Variants in CCR3 observed in about 807,000 individuals in gnomAD.
CCR3 encodes C-C chemokine receptor type 3.
For missense variants in CCR3, 419 were observed against 437.5 expected (o/e 0.96, Z 0.38); for synonymous variants, 203 against 179.2 (o/e 1.13, Z -1.06).
intron 2 of CCR3, among the ~76,000 whole-genome samples, chr3:46,224,984 TCAA>T (rs1699878061): frequency 6.6e-6 from 1 of 152,150 alleles, no homozygotes; most frequent in African/African-American, 2.4e-5. Context: ...AAAGATGTGT[TCAA>T]GAATGTTGTT....
intron 1 of CCR3, among the ~76,000 whole-genome samples, chr3:46,255,295 G>A (rs1331004885): frequency 2.6e-5 from 4 of 152,036 alleles, no homozygotes; most frequent in Admixed American, 6.6e-5. Context: ...CTGGATATTA[G>A]ACCTTTATCA....
At chr3:46,225,714 C>T (rs1240225410) in intron 2 of CCR3, among the ~76,000 whole-genome samples, 1 of 152,186 alleles carries the variant, frequency 6.6e-6, no homozygotes. Flanking sequence ...ATATCCTCTT[C>T]AGTGATATGT....
intron 1 of CCR3, among the ~76,000 whole-genome samples, chr3:46,256,115 T>C (rs1357516303): frequency 6.6e-6 from 1 of 152,112 alleles, no homozygotes; most frequent in Non-Finnish European, 1.5e-5. Context: ...TCTTTCAGTA[T>C]TTTGAACTTT....
intron 2 of CCR3, among the ~76,000 whole-genome samples, chr3:46,219,036 C>A (rs945785955): frequency 5.3e-5 from 8 of 152,140 alleles, no homozygotes; most frequent in African/African-American, 1.9e-4. Context: ...AGAAGTCAAA[C>A]TGTCGCTGTT....
chr3:46,234,800 C>G (rs1189583947), intron 2 of CCR3, among the ~76,000 whole-genome samples: 1 of 152,228 alleles, frequency 6.6e-6, no homozygotes, highest in African/African-American at 2.4e-5. Flanking sequence ...CCTTCCACCA[C>G]CATCACCAGC....
chr3:46,240,209 C>T (rs1700065508), upstream of CCR3, among the ~76,000 whole-genome samples: 1 of 152,222 alleles, frequency 6.6e-6, no homozygotes, highest in Non-Finnish European at 1.5e-5. Flanking sequence ...CTGCAGGTGG[C>T]TCTGAATGCT....
chr3:46,243,389 A>G (rs1020331092), intron 1 of CCR3, among the ~76,000 whole-genome samples: 2 of 152,112 alleles, frequency 1.3e-5, no homozygotes, highest in African/African-American at 4.8e-5. Flanking sequence ...GTGTGTGTGC[A>G]TTAAGTATGT....
upstream of CCR3, chr3:46,242,371 T>C (rs1700098172): frequency 6.6e-6 from 1 of 152,206 alleles, no homozygotes; most frequent in Admixed American, 6.5e-5. Flanking sequence ...ACTTTACTAA[T>C]GTCTGTGATC....
In CCR3 at chr3:46,258,022, T is replaced by C. The variant is rs149968013; in HGVS notation, c.-11-7126T>C. ...AGACAGACCAATTTGCGTTCTGTAA[T>C]TGTTCTCTTCAGGCCCCCAGCTGAT... On this transcript the variant is annotated intron_variant, in intron 1 of 1. Transcript: ENST00000395940. Among the ~76,000 whole-genome samples, 3 of 152,350 alleles carry C rather than the reference T, an allele frequency of 2.0e-5. No individual in the cohort carries two copies. In the East Asian group the frequency reaches 5.8e-4, roughly 29 times the overall value.
At chr3:46,236,111 T>G in intron 2 of CCR3, among the ~76,000 whole-genome samples, 1 of 152,216 alleles carries the variant, frequency 6.6e-6, no homozygotes, top group East Asian at 1.9e-4. Context: ...GGGAGTGGCT[T>G]GAGCCTGTGT....
chr3:46,263,143 C>T (rs1396876289), intron 1 of CCR3, among the ~76,000 whole-genome samples: 1 of 152,196 alleles, frequency 6.6e-6, no homozygotes, highest in Non-Finnish European at 1.5e-5. Flanking sequence ...AGAAATAACA[C>T]ATGAATTAAA....
At chr3:46,226,679 G>A (rs1559526238) in intron 2 of CCR3, among the ~76,000 whole-genome samples, 1 of 152,072 alleles carries the variant, frequency 6.6e-6, no homozygotes, top group Non-Finnish European at 1.5e-5. Flanking sequence ...TAAACTTCCA[G>A]TTGAATAGGA....
chr3:46,265,166 C>A lies in CCR3; in HGVS notation c.8C>A (p.Thr3Asn), dbSNP rs200354348. 4.4e-6 allele frequency: 7 copies of A among 1,602,644 alleles called. No individual in the cohort carries two copies. Among genetic ancestry groups the A allele is most frequent in the Admixed American group, 3.4e-5 (2 of 59,278 alleles). MT[T>N]SLDTVETFGT... ...ATCACAGGGAGAAGTGAAATGACAA[C>A]CTCACTAGATACAGTTGAGACCTTT... The change falls in exon 2 of 2, where the codon ACC (threonine) becomes AAC (asparagine). Residue 3 changes from threonine to asparagine, a missense_variant. By Grantham distance (65) the Thr-to-Asn change is moderately conservative. Coordinates refer to ENST00000395940, the MANE Select transcript of CCR3 (RefSeq NM_178329.3).
intron 1 of CCR3, among the ~76,000 whole-genome samples, chr3:46,243,938 T>A (rs1237284124): frequency 6.6e-6 from 1 of 152,180 alleles, no homozygotes; most frequent in Non-Finnish European, 1.5e-5. Context: ...CCCATCTAAT[T>A]GGCCAAGTAA....
At chr3:46,256,343 T>C (rs1046366221) in intron 1 of CCR3, among the ~76,000 whole-genome samples, 1 of 152,152 alleles carries the variant, frequency 6.6e-6, no homozygotes, top group Non-Finnish European at 1.5e-5. Context: ...TTGAGGAGTT[T>C]GGGCTGTAAT....
intron 2 of CCR3, among the ~76,000 whole-genome samples, chr3:46,224,734 CA>C (rs901561258): frequency 0.082 from 3,897 of 47,406 alleles, 28 homozygotes; most frequent in African/African-American, 0.15. Context: ...AAGACTCTGT[CA>C]AAAAAAAAAA....
upstream of CCR3, among the ~76,000 whole-genome samples, chr3:46,238,094 C>T (rs1324229452): frequency 6.6e-6 from 1 of 152,178 alleles, no homozygotes; most frequent in African/African-American, 2.4e-5. Flanking sequence ...CAGATTGATA[C>T]TTTTAGTTCT....
intron 1 of CCR3, among the ~76,000 whole-genome samples, chr3:46,245,156 A>T (rs1182629891): frequency 6.6e-6 from 1 of 152,044 alleles, no homozygotes; most frequent in East Asian, 1.9e-4. Context: ...CTGGAAATCC[A>T]TGTGCTGCCC....
intron 1 of CCR3, among the ~76,000 whole-genome samples, chr3:46,250,033 G>A (rs1351441829): frequency 6.6e-6 from 1 of 152,072 alleles, no homozygotes; most frequent in Admixed American, 6.5e-5. Flanking sequence ...GACCTTTTAG[G>A]GTCTAGGGCT....
Sources: allele counts gnomAD v4.1 joint callset (sites outside exome capture counted in the v4.1 genomes callset), GRCh38; gene constraint gnomAD v4.1.1; transcripts MANE v1.5; gene names NCBI Gene and HGNC (gene_info 2026-07-23, HGNC 2026-07-21).